Variants in ZNF736 observed in about 807,000 individuals in gnomAD.
ZNF736 encodes the protein KRAB-containing zinc-finger repressor protein.
Under a neutral mutation model 11.7 loss-of-function variants are expected in ZNF736, and 6 were observed. That is an observed-to-expected ratio of 0.51 (90% CI 0.28 to 1.01). The LOEUF is 1.01. Among genes scored for constraint, ZNF736 ranks in the 50% least tolerant of loss-of-function variants. The probability of loss-of-function intolerance (pLI) is 0.09; values close to 1 mark genes in which losing one functional copy is unlikely to be tolerated. For synonymous variants in ZNF736, 139 were observed against 164.7 expected, an observed-to-expected ratio of 0.84 and a Z score of 1.19; for missense variants, 444 against 496.0, an observed-to-expected ratio of 0.90 and a Z score of 1.00.
chr7:64,343,646 A>G (rs1277875201), intron 3 of ZNF736, among the ~76,000 whole-genome samples: 1 of 152,168 alleles, frequency 6.6e-6, no homozygotes. Context: ...ATCTAGAATA[A>G]TTATTGTTTG....
intron 3 of ZNF736, among the ~76,000 whole-genome samples, chr7:64,339,322 ATTGCTGTACTT>A (rs1176849228): frequency 6.6e-6 from 1 of 151,994 alleles, no homozygotes; most frequent in Non-Finnish European, 1.5e-5. Flanking sequence ...ATTTGCTTTT[ATTGCTGTACTT>A]TTGCTGTCGT....
At chr7:64,323,592 A>G (rs1210278162) in intron 1 of ZNF736, among the ~76,000 whole-genome samples, 1 of 152,208 alleles carries the variant, frequency 6.6e-6, no homozygotes, top group Non-Finnish European at 1.5e-5. Context: ...TGACAGGGAC[A>G]TGGATGGAGC....
At position 64,352,245 on chromosome 7, in the gene ZNF736, C is replaced by T. The variant is rs1474078013; in HGVS notation, c.*3098C>T. The T allele has an allele frequency of 6.6e-6, 1 of 152,244 alleles. No homozygotes were observed. Among genetic ancestry groups the T allele is most frequent in the Non-Finnish European group, 1.5e-5 (1 of 68,090 alleles). 9.4% of individuals were successfully genotyped at this position (152,244 alleles called of 1,614,324 possible). On this transcript the variant is annotated 3_prime_UTR_variant, in exon 4 of 4. Transcript: ENST00000423484. ...ATTTTCCAGTACTGGAAGTTATCAC[C>T]ACTGAATGCTGCAAAACAGCAACAA...
rs1408764142 is a variant in ZNF736 at position 64,319,488 on chromosome 7, C to CTTTTTTTTTTTTT, written c.3+5335_3+5336insTTTTTTTTTTTTT. On this transcript the variant is annotated intron_variant, in intron 1 of 3. Coordinates refer to ENST00000423484, the MANE Select transcript of ZNF736 (RefSeq NM_001170905.3). Reference sequence around the variant, plus strand: ...CCAGGTAAATAGAAAACATTTCTTCCCTTTTTTTTTTTTTTTTTTTTTTTT... The same window carrying CTTTTTTTTTTTTT: ...CCAGGTAAATAGAAAACATTTCTTCCTTTTTTTTTTTTTCTTTTTTTTTTTTTTTTTTTTTTTT... 2.1e-4 allele frequency among the ~76,000 whole-genome samples: 16 copies of CTTTTTTTTTTTTT among 75,248 alleles called. 6 individuals are homozygous for CTTTTTTTTTTTTT. Among genetic ancestry groups the CTTTTTTTTTTTTT allele is most frequent in the African/African-American group, 8.7e-4 (16 of 18,344 alleles). 49.4% of individuals were successfully genotyped at this position (75,248 alleles called of 152,430 possible).
intron 1 of ZNF736, among the ~76,000 whole-genome samples, chr7:64,324,327 A>G (rs762237278): frequency 5.1e-4 from 77 of 152,242 alleles, no homozygotes; most frequent in African/African-American, 1.8e-3. Flanking sequence ...TCACTCAGCA[A>G]GTGTCAGGCA....
At chr7:64,330,613 CTT>C (rs1789151650) in intron 1 of ZNF736, among the ~76,000 whole-genome samples, 2 of 152,170 alleles carry the variant, frequency 1.3e-5, no homozygotes, top group Admixed American at 1.3e-4. Flanking sequence ...TCTTCCCTCT[CTT>C]TTCCTCAAGC....
At chr7:64,326,105 TAAA>T (rs560272333) in intron 1 of ZNF736, among the ~76,000 whole-genome samples, 1 of 149,400 alleles carries the variant, frequency 6.7e-6, no homozygotes, top group Non-Finnish European at 1.5e-5. Flanking sequence ...TTTAATTATG[TAAA>T]AAAAAAAATT....
chr7:64,314,176 C>T, intron 1 of ZNF736, 23 bp downstream of exon 1: 2 of 1,551,590 alleles, frequency 1.3e-6, no homozygotes, highest in South Asian at 1.2e-5. Context: ...AGTGGGTGTC[C>T]CGAGAATGGG....
rs200652290 is a variant in ZNF736, at chr7:64,329,625, CTG to C, written c.4-6633_4-6632del. On this transcript the variant is annotated intron_variant, in intron 1 of 3. Coordinates refer to ENST00000423484, the MANE Select transcript of ZNF736 (RefSeq NM_001170905.3). ...CCAAATAAATGGAATCTCTCTCTCT[CTG>C]CATGCTGAGCTACCTGGAGCTGGAG... 7.3e-3 allele frequency among the ~76,000 whole-genome samples: 1,105 copies of C among 151,952 alleles called. 9 individuals are homozygous for C. The highest frequency in any genetic ancestry group is 0.021 in the African/African-American group (860 of 41,508).
chr7:64,322,560 C>T (rs574086746), intron 1 of ZNF736, among the ~76,000 whole-genome samples: 47 of 152,192 alleles, frequency 3.1e-4, no homozygotes, highest in African/African-American at 1.1e-3. Context: ...TCTAAAATTA[C>T]GGCTGAGAAT....
chr7:64,326,582 A>AT (rs1226459665), intron 1 of ZNF736, among the ~76,000 whole-genome samples: 67 of 151,236 alleles, frequency 4.4e-4, no homozygotes, highest in Non-Finnish European at 6.8e-4. Context: ...TATAGTTTTT[A>AT]TTTTTTCCTT....
intron 2 of ZNF736, among the ~76,000 whole-genome samples, chr7:64,336,627 G>T (rs1789255274): frequency 6.6e-6 from 1 of 152,052 alleles, no homozygotes; most frequent in Non-Finnish European, 1.5e-5. Context: ...CAGAAATTTA[G>T]TAGCATAAAA....
chr7:64,348,011 A>T, intron 3 of ZNF736, 79 bp from the exon 4 acceptor site: 2 of 1,161,366 alleles, frequency 1.7e-6, no homozygotes, highest in Non-Finnish European at 2.3e-6. Flanking sequence ...TCGTTTTATT[A>T]ATTGCTTTGT....
intron 3 of ZNF736, among the ~76,000 whole-genome samples, chr7:64,345,216 G>T (rs1194653958): frequency 6.6e-6 from 1 of 150,772 alleles, no homozygotes; most frequent in Non-Finnish European, 1.5e-5. Context: ...TAGAGACGGG[G>T]TTTCACCATG....
chr7:64,339,632 C>T (rs1292958134), intron 3 of ZNF736, among the ~76,000 whole-genome samples: 1 of 150,888 alleles, frequency 6.6e-6, no homozygotes, highest in Non-Finnish European at 1.5e-5. Flanking sequence ...CCATCCTGCT[C>T]CACTGATATC....
intron 1 of ZNF736, among the ~76,000 whole-genome samples, chr7:64,335,207 C>T (rs1789229199): frequency 6.6e-6 from 1 of 151,964 alleles, no homozygotes; most frequent in South Asian, 2.1e-4. Context: ...GGCTTAAAAC[C>T]TAGATGACGG....
chr7:64,322,148 T>C (rs1327482757), intron 1 of ZNF736, among the ~76,000 whole-genome samples: 1 of 152,130 alleles, frequency 6.6e-6, no homozygotes, highest in African/African-American at 2.4e-5. Flanking sequence ...TTTTTTATAG[T>C]GGCTACACCA....
Position 64,349,206 on chromosome 7 carries a change from C to T in ZNF736, c.*59C>T. The T allele has an allele frequency of 2.3e-6, 3 of 1,314,298 alleles. No homozygotes were observed. Among genetic ancestry groups the T allele is most frequent in the South Asian group, 1.6e-5 (1 of 64,396 alleles). 81.4% of individuals were successfully genotyped at this position (1,314,298 alleles called of 1,614,324 possible). On this transcript the variant is annotated 3_prime_UTR_variant, in exon 4 of 4. Transcript: ENST00000423484. ...TGTGTTCAACATCTGAAATTTAATA[C>T]TGAACAAATGCAGTATAAATGTAAT...
Position 64,348,336 on chromosome 7 carries a change from C to G in ZNF736, c.473C>G (p.Ser158Ter), listed in dbSNP as rs1422507763. ...NKCGRGFQLC[S>*]IFTEHKDIFS... ...TGTGGCAGAGGTTTTCAGTTGTGCT[C>G]AATCTTCACTGAACATAAAGACATT... The change falls in exon 4 of 4, where the codon TCA (serine) becomes TGA (stop). Residue 158 changes from serine (S) to a stop codon, truncating the protein, a stop_gained. Transcript: ENST00000423484. LOFTEE classifies it low-confidence loss of function (END_TRUNC). 6.4e-7 allele frequency: 1 copy of G among 1,551,616 alleles called. No individual in the cohort carries two copies. The highest frequency in any genetic ancestry group is 1.2e-5 in the South Asian group (1 of 84,048).
Sources: gnomAD v4.1 joint callset for allele counts (sites outside exome capture counted in the v4.1 genomes callset) on GRCh38, gnomAD v4.1.1 for gene constraint, MANE v1.5 for transcripts, NCBI Gene and HGNC (gene_info 2026-07-23, HGNC 2026-07-21) for gene names.